Variants in TPTE2 observed in about 807,000 individuals in gnomAD.
TPTE2 encodes the protein phosphatidylinositol 3,4,5-trisphosphate 3-phosphatase TPTE2.
TPTE2 carries 53 observed loss-of-function variants against 78.6 expected under a neutral mutation model. The observed-to-expected ratio is 0.67, with a 90% CI of 0.54 to 0.85. The LOEUF (loss-of-function observed/expected upper bound fraction) is 0.85. Among genes scored for constraint, TPTE2 ranks in the 40% least tolerant of loss-of-function variants. The pLI, the probability that TPTE2 is intolerant of heterozygous loss-of-function variation, is 0.00. For missense variants in TPTE2, 461 were observed against 623.0 expected, an observed-to-expected ratio of 0.74 and a Z score of 2.77; for synonymous variants, 175 against 206.2, an observed-to-expected ratio of 0.85 and a Z score of 1.30.
intron 1 of TPTE2, among the ~76,000 whole-genome samples, chr13:19,509,465 A>G (rs1346640767): frequency 6.6e-6 from 1 of 152,178 alleles, no homozygotes; most frequent in African/African-American, 2.4e-5. Context: ...AAGTTTTTAA[A>G]ATGAGATTAT....
chr13:19,426,077 A>C (rs1876040595), intron 18 of TPTE2, among the ~76,000 whole-genome samples: 1 of 151,338 alleles, frequency 6.6e-6, no homozygotes, highest in African/African-American at 2.4e-5. Context: ...AATTTTTTAA[A>C]AAAGATGCAA....
the TPTE2 span, among the ~76,000 whole-genome samples, chr13:19,548,996 C>T: frequency 6.6e-6 from 1 of 151,800 alleles, no homozygotes; most frequent in Non-Finnish European, 1.5e-5. Context: ...TGGCGGGCCC[C>T]TGTATCCCAG....
chr13:19,425,137 G>A (rs1593339974), intron 18 of TPTE2, 120 bp from the exon 22 acceptor site: 4 of 523,262 alleles, frequency 7.6e-6, no homozygotes, highest in Non-Finnish European at 1.3e-5. Context: ...CATTAAATAG[G>A]TAGCACTCTG....
chr13:19,488,223 C>T (rs771590973), intron 3 of TPTE2, among the ~76,000 whole-genome samples: 13 of 152,172 alleles, frequency 8.5e-5, no homozygotes, highest in Non-Finnish European at 1.9e-4. Context: ...TCTCTATTCA[C>T]CCATCTTGCT....
upstream of TPTE2, among the ~76,000 whole-genome samples, chr13:19,537,454 A>G (rs1218261779): frequency 6.6e-6 from 1 of 151,730 alleles, no homozygotes; most frequent in African/African-American, 2.4e-5. Flanking sequence ...GCTGGTCTCA[A>G]ACTTCTGACC....
intron 1 of TPTE2, among the ~76,000 whole-genome samples, chr13:19,533,252 C>T (rs973436275): frequency 5.9e-5 from 9 of 152,176 alleles, no homozygotes; most frequent in African/African-American, 1.9e-4. Context: ...TCCTAGGAGA[C>T]AGCTTGAAGC....
At chr13:19,538,298 G>T (rs1871323659), upstream of TPTE2, among the ~76,000 whole-genome samples, 1 of 151,918 alleles carries the variant, frequency 6.6e-6, no homozygotes, top group African/African-American at 2.4e-5. Flanking sequence ...TCGGCTCACT[G>T]CAAGCTCCGC....
chr13:19,437,112 C>T (rs1593352025), intron 14 of TPTE2, among the ~76,000 whole-genome samples: 1 of 151,756 alleles, frequency 6.6e-6, no homozygotes, highest in East Asian at 1.9e-4. Context: ...TGCTCTATTC[C>T]ATTTTATTTT....
At chr13:19,475,949 T>G (rs967448024) in intron 4 of TPTE2, among the ~76,000 whole-genome samples, 1 of 152,060 alleles carries the variant, frequency 6.6e-6, no homozygotes, top group Non-Finnish European at 1.5e-5. Context: ...ACAGAAAAGG[T>G]TGGTAGAAGA....
At chr13:19,556,293 C>A in the TPTE2 span, among the ~76,000 whole-genome samples, 2 of 152,280 alleles carry the variant, frequency 1.3e-5, no homozygotes, top group South Asian at 2.1e-4. Flanking sequence ...GAATTAACTT[C>A]TTTCCTCTAT....
Position 19,477,080 on chromosome 13 carries a change from G to C in TPTE2, c.180-1457C>G, listed in dbSNP as rs549047817. ...TTTTGTGGGAACATGGATGGATCTG[G>C]AGGCTCTTATCCTTAGCAAACTAGT... On this transcript the variant is annotated intron_variant, in intron 4 of 19. Transcript: ENST00000400230. Among the ~76,000 whole-genome samples, 3 of 152,270 alleles carry C rather than the reference G, an allele frequency of 2.0e-5. No homozygotes were observed. The South Asian group carries it at 6.2e-4, about 32-fold the overall frequency.
chr13:19,425,201 A>G (rs1165526044), intron 18 of TPTE2, among the ~76,000 whole-genome samples, 184 bp from the exon 22 acceptor site: 1 of 152,178 alleles, frequency 6.6e-6, no homozygotes, highest in Non-Finnish European at 1.5e-5. Context: ...AGAAAATGCT[A>G]TTGCATTCTC....
intron 3 of TPTE2, among the ~76,000 whole-genome samples, chr13:19,492,610 T>C (rs1881062622): frequency 6.6e-6 from 1 of 151,784 alleles, no homozygotes. Flanking sequence ...TGAGAAGAAT[T>C]GGAAACCTTG....
chr13:19,443,259 A>G lies in TPTE2; in HGVS notation c.974-5106T>C, dbSNP rs534263151. On this transcript the variant is annotated intron_variant, in intron 13 of 19. Coordinates refer to ENST00000400230, the Ensembl canonical transcript of TPTE2. ...CCAGTTAATCAATGTAATTAACCAC[A>G]TTTATTTATAGGATAAAGTAGAAAA... Among the ~76,000 whole-genome samples, 7 of 151,864 alleles carry G rather than the reference A, an allele frequency of 4.6e-5. No individual in the cohort carries two copies. In the South Asian group the frequency reaches 1.5e-3, roughly 32 times the overall value.
the TPTE2 span, among the ~76,000 whole-genome samples, chr13:19,558,431 T>C: frequency 6.6e-6 from 1 of 152,208 alleles, no homozygotes; most frequent in East Asian, 1.9e-4. Context: ...ACTACATCTT[T>C]TCCTAGTCAT....
chr13:19,475,224 T>A (rs1879862916), intron 5 of TPTE2, among the ~76,000 whole-genome samples: 1 of 150,434 alleles, frequency 6.6e-6, no homozygotes, highest in South Asian at 2.2e-4. Context: ...ACTCATATAT[T>A]TTTTTTTCTT....
intron 10 of TPTE2, among the ~76,000 whole-genome samples, chr13:19,456,740 A>G (rs767489578): frequency 6.6e-6 from 1 of 152,200 alleles, no homozygotes; most frequent in Non-Finnish European, 1.5e-5. Context: ...CTGTGTAGTC[A>G]ATGCCCAAGT....
intron 6 of TPTE2, among the ~76,000 whole-genome samples, chr13:19,467,971 TAACA>T (rs546533749): frequency 6.7e-4 from 98 of 146,498 alleles, no homozygotes; most frequent in African/African-American, 2.4e-3. Flanking sequence ...TTATTTCACT[TAACA>T]AACATAGTGA....
chr13:19,550,967 T>G, the TPTE2 span, among the ~76,000 whole-genome samples: 5 of 151,886 alleles, frequency 3.3e-5, no homozygotes, highest in African/African-American at 1.2e-4. Context: ...TAATACTGGG[T>G]TTTCAAATCA....
Sources: allele counts gnomAD v4.1 joint callset (sites outside exome capture counted in the v4.1 genomes callset), GRCh38; gene constraint gnomAD v4.1.1; transcripts MANE v1.5; gene names NCBI Gene and HGNC (gene_info 2026-07-23, HGNC 2026-07-21).